ITPR2: variants seen among roughly 807,000 people sequenced by gnomAD.
ITPR2 encodes inositol 1,4,5-trisphosphate receptor type 2, also known as inositol 1,4,5-trisphosphate-gated calcium channel ITPR2.
A neutral mutation model predicts 317.1 loss-of-function variants in ITPR2; 207 were observed. That is an observed-to-expected ratio of 0.65 (90% CI 0.58 to 0.73). The LOEUF (loss-of-function observed/expected upper bound fraction) is 0.73, where lower values mean the gene tolerates loss of function less well. ITPR2 is among the 30% of genes least tolerant of loss of function. The pLI is 0.00. For missense variants in ITPR2, 2,613 were observed against 3,284.0 expected, an observed-to-expected ratio of 0.80 and a Z score of 4.99; for synonymous variants, 1,156 against 1,149.1, an observed-to-expected ratio of 1.01 and a Z score of -0.12.
intron 49 of ITPR2, among the ~76,000 whole-genome samples, chr12:26,424,586 G>GTTTTTTTTTTTTTTTTTTTT (rs775756580): frequency 2.6e-4 from 23 of 88,728 alleles, no homozygotes; most frequent in East Asian, 1.0e-3. Context: ...TTCGTTTTGT[G>GTTTTTTTTTTTTTTTTTTTT]TTTTTTTTTT....
intron 37 of ITPR2, among the ~76,000 whole-genome samples, chr12:26,539,932 C>G (rs11048571): frequency 0.36 from 54,285 of 152,142 alleles, 12,042 homozygotes; most frequent in Non-Finnish European, 0.49. Flanking sequence ...ACATTTACAT[C>G]TACTATGTGT....
chr12:26,712,634 TACACACACACACACACACAC>T (rs67872654), intron 8 of ITPR2, among the ~76,000 whole-genome samples: 1,827 of 149,038 alleles, frequency 0.012, 21 homozygotes, highest in Non-Finnish European at 0.019. Context: ...TTGTCTCAAA[TACACACACACACACACACAC>T]ACACACACAC....
At chr12:26,716,289 G>A (rs367981570) in intron 5 of ITPR2, 47 bp from the exon 6 acceptor site, 345 of 1,248,920 alleles carry the variant, frequency 2.8e-4, no homozygotes, top group Non-Finnish European at 3.4e-4. Flanking sequence ...ATGGATCTTT[G>A]GTGCTATATT....
intron 55 of ITPR2, among the ~76,000 whole-genome samples, chr12:26,378,357 C>A (rs139844704): frequency 2.6e-5 from 4 of 152,076 alleles, no homozygotes; most frequent in African/African-American, 9.6e-5. Context: ...GGCCGAGGCT[C>A]CCATCAGGGA....
Position 26,606,190 on chromosome 12 carries a change from GA to G in ITPR2, c.3463-3485del, listed in dbSNP as rs10701660. 2.3e-3 allele frequency among the ~76,000 whole-genome samples: 341 copies of G among 148,150 alleles called. 1 individual carries two copies. Among genetic ancestry groups the G allele is most frequent in the Non-Finnish European group, 3.6e-3 (240 of 67,174 alleles). The stretch of plus-strand genomic sequence containing the variant: ...AGCATCCCAGAGCTGAATGGGCCTA[GA>G]AAAAAAAAAAAGTGTGACACTTAGA... On this transcript the variant is annotated intron_variant, in intron 26 of 56. Transcript: ENST00000381340.
intron 52 of ITPR2, among the ~76,000 whole-genome samples, chr12:26,402,674 C>A (rs12316095): frequency 2.0e-5 from 3 of 152,190 alleles, no homozygotes; most frequent in African/African-American, 4.8e-5. Context: ...AATCAGTACA[C>A]ATGCATGCTG....
At chr12:26,797,202 T>C (rs1488925458) in intron 1 of ITPR2, among the ~76,000 whole-genome samples, 1 of 152,168 alleles carries the variant, frequency 6.6e-6, no homozygotes, top group Admixed American at 6.5e-5. Flanking sequence ...TATAATTCCA[T>C]TATATAGATG....
Position 26,832,682 on chromosome 12 carries a change from C to G in ITPR2, c.92+8G>C. 6.3e-7 allele frequency: 1 copy of G among 1,589,928 alleles called. No homozygotes were observed. The highest frequency in any genetic ancestry group is 8.6e-7 in the Non-Finnish European group (1 of 1,168,492). ...GCGAGCGCTGCCCAGCCCTCGTCTC[C>G]CGCTTACCCCAAGGTGCTGATGAAG... is the stretch of plus-strand genomic sequence containing the variant. On this transcript the variant is annotated splice_region_variant and intron_variant, in intron 1 of 56. Transcript: ENST00000381340.
intron 36 of ITPR2, among the ~76,000 whole-genome samples, chr12:26,555,255 C>T (rs547033467): frequency 6.6e-6 from 1 of 152,320 alleles, no homozygotes; most frequent in African/African-American, 2.4e-5. Context: ...GTCCTTTAAT[C>T]TCTGCCTCGA....
intron 34 of ITPR2, among the ~76,000 whole-genome samples, chr12:26,577,950 G>A (rs552359905): frequency 2.0e-5 from 3 of 152,314 alleles, no homozygotes; most frequent in South Asian, 2.1e-4. Flanking sequence ...GATAATGCAT[G>A]TAAATGGCTG....
At chr12:26,713,783 T>C (rs952211853) in intron 8 of ITPR2, among the ~76,000 whole-genome samples, 3 of 151,432 alleles carry the variant, frequency 2.0e-5, no homozygotes, top group African/African-American at 7.4e-5. Context: ...CTATATTTTT[T>C]TAATTTTTAA....
intron 13 of ITPR2, among the ~76,000 whole-genome samples, chr12:26,674,684 A>G (rs1474283414): frequency 1.3e-5 from 2 of 152,256 alleles, no homozygotes; most frequent in African/African-American, 2.4e-5. Context: ...ACAAAAGCCA[A>G]AACTGACAAA....
intron 37 of ITPR2, among the ~76,000 whole-genome samples, chr12:26,519,405 A>T (rs1943609376): frequency 6.6e-6 from 1 of 152,218 alleles, no homozygotes; most frequent in Non-Finnish European, 1.5e-5. Context: ...TAGTACTTAC[A>T]TAAAACAGCA....
At chr12:26,569,603 A>G (rs1945103797) in intron 34 of ITPR2, among the ~76,000 whole-genome samples, 1 of 152,040 alleles carries the variant, frequency 6.6e-6, no homozygotes, top group Non-Finnish European at 1.5e-5. Context: ...ATTGTTACTT[A>G]TAGGCAAAGA....
chr12:26,688,539 C>G (rs1426931664), intron 10 of ITPR2, among the ~76,000 whole-genome samples: 1 of 151,142 alleles, frequency 6.6e-6, no homozygotes. Context: ...GAAGGAGAAG[C>G]AGAGGAAGAA....
intron 26 of ITPR2, among the ~76,000 whole-genome samples, chr12:26,608,742 G>A (rs573996844): frequency 8.0e-5 from 12 of 149,474 alleles, no homozygotes; most frequent in Admixed American, 4.0e-4. Context: ...ATCTTTCTGC[G>A]CTCCCCAAGT....
intron 53 of ITPR2, 62 bp downstream of exon 53, chr12:26,400,066 C>T: frequency 6.6e-7 from 1 of 1,507,090 alleles, no homozygotes; most frequent in South Asian, 1.3e-5. Context: ...ATTATAAATG[C>T]TGTGAAGAAA....
At chr12:26,624,210 A>C in intron 24 of ITPR2, 89 bp downstream of exon 24, 3 of 896,886 alleles carry the variant, frequency 3.3e-6, no homozygotes, top group Non-Finnish European at 1.8e-6. Context: ...AAATAAATAG[A>C]TATAGAGTGA....
At chr12:26,634,861 G>A (rs1946831184) in intron 21 of ITPR2, among the ~76,000 whole-genome samples, 1 of 117,298 alleles carries the variant, frequency 8.5e-6, no homozygotes, top group Non-Finnish European at 1.6e-5. Flanking sequence ...CTCCAGCCCA[G>A]GCAACAGAGC....
Sources: allele counts gnomAD v4.1 joint callset (sites outside exome capture counted in the v4.1 genomes callset), GRCh38; gene constraint gnomAD v4.1.1; transcripts MANE v1.5; gene names NCBI Gene and HGNC (gene_info 2026-07-23, HGNC 2026-07-21).